The following SRCIN1 variants were observed in gnomAD, a reference collection of about 807,000 sequenced individuals.
SRCIN1 encodes the protein P130Cas-associated protein.
Under a neutral mutation model 116.2 loss-of-function variants are expected in SRCIN1, and 50 were observed. That is an observed-to-expected ratio of 0.43 (90% CI 0.34 to 0.54). The LOEUF is 0.54. Among genes scored for constraint, SRCIN1 ranks in the 20% least tolerant of loss-of-function variants. The pLI is 0.02. For synonymous variants in SRCIN1, 736 were observed against 750.0 expected (o/e 0.98, Z 0.30); for missense variants, 1,446 against 1,672.0 (o/e 0.86, Z 2.36).
Position 38,562,134 on chromosome 17 carries a change from G to A in SRCIN1, c.1029C>T (p.Ser343=), listed in dbSNP as rs894721895. ...AGGRPPSYAG[S]PVHHAAERLG... ...GCCTCTCGGCCGCGTGGTGCACCGG[G>A]CTGCCGGCGTACGAAGGCGGGCGCC... The change falls in exon 7 of 19, where the codon AGC becomes AGT. Residue 343 remains serine, a synonymous_variant. Transcript: ENST00000617146. The surrounding 1 kb of genome is among the most constrained non-coding windows in gnomAD (Gnocchi z 4.2). 44 of 1,373,936 alleles carry A rather than the reference G, an allele frequency of 3.2e-5. No homozygotes were observed. The highest frequency in any genetic ancestry group is 3.9e-5 in the Non-Finnish European group (42 of 1,072,078). The allele number at this position is 1,373,936 out of a possible 1,614,324, so 85.1% of individuals were successfully genotyped here. A position where few individuals can be genotyped will look rare whatever the true frequency, so the allele number is the denominator to read the frequency against.
In SRCIN1 at chr17:38,588,606, G is replaced by A. The variant is rs1045782065; in HGVS notation, c.23-9815C>T. Among the ~76,000 whole-genome samples the A allele has an allele frequency of 2.0e-5, 3 of 152,288 alleles. No individual in the cohort carries two copies. The South Asian group carries it at 6.2e-4, about 32-fold the overall frequency. On this transcript the variant is annotated intron_variant, in intron 1 of 18. Transcript: ENST00000617146. Reference sequence around the variant, plus strand: ...GCTGCCAGGGCGTCTTCTCCCCAGGGGGCACTCCAGCCTGAGTGCTGCGCC... The same window carrying A: ...GCTGCCAGGGCGTCTTCTCCCCAGGAGGCACTCCAGCCTGAGTGCTGCGCC...
intron 2 of SRCIN1, among the ~76,000 whole-genome samples, chr17:38,575,146 C>T (rs1269180447): frequency 1.3e-5 from 2 of 152,238 alleles, no homozygotes; most frequent in Non-Finnish European, 2.9e-5. Context: ...ATCTCTCTAA[C>T]TAGAGCCCTG....
chr17:38,574,618 T>A lies in SRCIN1; in HGVS notation c.324+3872A>T, dbSNP rs927185207. On this transcript the variant is annotated intron_variant, in intron 2 of 18. Coordinates refer to ENST00000617146, the MANE Select transcript of SRCIN1 (RefSeq NM_025248.3). ...GGAGAAAGGGATACAAAAACTTTTT[T>A]AAAAATCCTGAGTATCTTCCCTCAA... Among the ~76,000 whole-genome samples, 19 of 152,266 alleles carry A rather than the reference T, an allele frequency of 1.2e-4. No individual in the cohort carries two copies. The Middle Eastern group carries it at 0.014, about 109-fold the overall frequency.
intron 1 of SRCIN1, among the ~76,000 whole-genome samples, chr17:38,579,200 G>A (rs1753958202): frequency 6.6e-6 from 1 of 152,214 alleles, no homozygotes; most frequent in Non-Finnish European, 1.5e-5. Context: ...AAGGAGGGGT[G>A]CTTTTTAGAT....
At position 38,540,959 on chromosome 17, in the gene SRCIN1, G is replaced by C. The variant is rs569791151; in HGVS notation, c.3417+2864C>G. 1.6e-4 allele frequency among the ~76,000 whole-genome samples: 25 copies of C among 152,270 alleles called. No homozygotes were observed. The East Asian group carries it at 4.8e-3, about 29-fold the overall frequency. Reference sequence around the variant, plus strand: ...TACTGTTGAAAATTTCCACAGGGAGGCTGGTGGCGGTGGCTCACACCTGTA... The same window carrying C: ...TACTGTTGAAAATTTCCACAGGGAGCCTGGTGGCGGTGGCTCACACCTGTA... On this transcript the variant is annotated intron_variant, in intron 18 of 18. Coordinates refer to ENST00000617146, the MANE Select transcript of SRCIN1 (RefSeq NM_025248.3).
At position 38,558,115 on chromosome 17, in the gene SRCIN1, C is replaced by G; in HGVS notation, c.2201+112G>C. On this transcript the variant is annotated intron_variant, in intron 11 of 18. Transcript: ENST00000617146. The surrounding 1 kb of genome is among the most constrained non-coding windows in gnomAD (Gnocchi z 4.6). The stretch of plus-strand genomic sequence containing the variant: ...GAATGAAATCAGGCTTCAGAACAGA[C>G]CAACGCCACCTGTGACTCAGAGGGA... 2 of 1,276,978 alleles carry G rather than the reference C, an allele frequency of 1.6e-6. No homozygotes were observed. The highest frequency in any genetic ancestry group is 2.7e-5 in the South Asian group (2 of 73,490). The allele number at this position is 1,276,978 out of a possible 1,614,324, so 79.1% of individuals were successfully genotyped here.
chr17:38,605,566 C>A lies in SRCIN1; in HGVS notation c.22+118G>T, dbSNP rs559404145. On this transcript the variant is annotated intron_variant, in intron 1 of 18. Transcript: ENST00000617146. Reference sequence around the variant, plus strand: ...CATCCCTCGCCCCGCCGGCCACCGCCTCCCCGGCCCGGCCGCCGCCCCCGC... The same window carrying A: ...CATCCCTCGCCCCGCCGGCCACCGCATCCCCGGCCCGGCCGCCGCCCCCGC... 1,062 of 742,090 alleles carry A rather than the reference C, an allele frequency of 1.4e-3. 17 individuals are homozygous for A. In the Middle Eastern group the frequency reaches 0.049, roughly 34 times the overall value. The allele number at this position is 742,090 out of a possible 1,614,324, so 46.0% of individuals were successfully genotyped here. A position where few individuals can be genotyped will look rare whatever the true frequency, so the allele number is the denominator to read the frequency against.
Position 38,552,339 on chromosome 17 carries a change from G to T in SRCIN1, c.2480+108C>A. On this transcript the variant is annotated intron_variant, in intron 13 of 18. Coordinates refer to ENST00000617146, the MANE Select transcript of SRCIN1 (RefSeq NM_025248.3). The surrounding 1 kb of genome is among the most constrained non-coding windows in gnomAD (Gnocchi z 5.3). Reference sequence around the variant, plus strand: ...GCAGAGCTGAGGTGCCAGTCCAGTCGGCACGCCAGTGACCTTTGGGGGAGT... The same window carrying T: ...GCAGAGCTGAGGTGCCAGTCCAGTCTGCACGCCAGTGACCTTTGGGGGAGT... 5.5e-6 allele frequency: 8 copies of T among 1,463,980 alleles called. No individual in the cohort carries two copies. The highest frequency in any genetic ancestry group is 7.3e-6 in the Non-Finnish European group (8 of 1,102,534). The allele number at this position is 1,463,980 out of a possible 1,614,324, so 90.7% of individuals were successfully genotyped here. A position where few individuals can be genotyped will look rare whatever the true frequency, so the allele number is the denominator to read the frequency against.
intron 1 of SRCIN1, among the ~76,000 whole-genome samples, chr17:38,598,532 G>C (rs920964959): frequency 1.3e-5 from 2 of 152,136 alleles, no homozygotes; most frequent in Non-Finnish European, 2.9e-5. Flanking sequence ...CTGAGTCTGG[G>C]GGCCCCTCTA....
chr17:38,536,100 A>G (rs1230276961), intron 18 of SRCIN1, among the ~76,000 whole-genome samples: 1 of 152,088 alleles, frequency 6.6e-6, no homozygotes, highest in Non-Finnish European at 1.5e-5. Flanking sequence ...ATCCAGCTTC[A>G]CCAGTTTATG....
At chr17:38,581,520 A>G (rs1435070557) in intron 1 of SRCIN1, among the ~76,000 whole-genome samples, 1 of 151,042 alleles carries the variant, frequency 6.6e-6, no homozygotes, top group Non-Finnish European at 1.5e-5. Context: ...AAAAGCCCCA[A>G]TTAGAAGGTC....
rs976230190 is a variant in SRCIN1 at position 38,563,614 on chromosome 17, C to A, written c.542-93G>T. 6.7e-7 allele frequency: 1 copy of A among 1,493,292 alleles called. No individual in the cohort carries two copies. Among genetic ancestry groups the A allele is most frequent in the South Asian group, 1.2e-5 (1 of 83,142 alleles). 92.5% of individuals were successfully genotyped at this position (1,493,292 alleles called of 1,614,324 possible). A position where few individuals can be genotyped will look rare whatever the true frequency, so the allele number is the denominator to read the frequency against. On this transcript the variant is annotated intron_variant, in intron 4 of 18. Transcript: ENST00000617146. The surrounding 1 kb of genome is among the most constrained non-coding windows in gnomAD (Gnocchi z 5.8). ...GGAGCTTTTCGGAGCTGCGCCAGCCCCGCAGCGGCAGGGTCTGAGGCTAGA... is the reference window on the plus strand; with the variant it reads ...GGAGCTTTTCGGAGCTGCGCCAGCCACGCAGCGGCAGGGTCTGAGGCTAGA...
chr17:38,563,370 G>C lies in SRCIN1; in HGVS notation c.693C>G (p.Leu231=), dbSNP rs367653104. The change falls in exon 5 of 19, where the codon CTC becomes CTG. Residue 231 remains leucine (L), a synonymous_variant. Coordinates refer to ENST00000617146, the MANE Select transcript of SRCIN1 (RefSeq NM_025248.3). The surrounding 1 kb of genome is among the most constrained non-coding windows in gnomAD (Gnocchi z 5.8). ...GMLKSPNTAI[L]IKDEARNVFY... ...AGACGTTGCGAGCCTCGTCTTTGAT[G>C]AGGATGGCGGTATTGGGCGACTTAA... 467 of 1,581,374 alleles carry C rather than the reference G, an allele frequency of 3.0e-4. No homozygotes were observed. Among genetic ancestry groups the C allele is most frequent in the Non-Finnish European group, 3.7e-4 (431 of 1,163,106 alleles).
At chr17:38,573,480 G>T (rs1036805782) in intron 2 of SRCIN1, among the ~76,000 whole-genome samples, 1 of 152,194 alleles carries the variant, frequency 6.6e-6, no homozygotes, top group Admixed American at 6.5e-5. Flanking sequence ...ACACTTTCCT[G>T]GTTAATTACA....
chr17:38,541,387 T>C, intron 18 of SRCIN1: 1 of 151,834 alleles, frequency 6.6e-6, no homozygotes, highest in Non-Finnish European at 1.5e-5. Context: ...TTGGGAAGGC[T>C]GGGGGTGGGC....
At chr17:38,578,407 G>C (rs960641126) in intron 2 of SRCIN1, 83 bp downstream of exon 2, 1 of 1,447,190 alleles carries the variant, frequency 6.9e-7, no homozygotes, top group Non-Finnish European at 9.2e-7. Context: ...AATGAGCCTG[G>C]GGACACGGAG....
Position 38,561,779 on chromosome 17 carries a change from A to G in SRCIN1, c.1384T>C (p.Tyr462His), listed in dbSNP as rs1399451872. ...AGGCGGAAGCCGTAGCCGTCGCCGT[A>G]CAGCGGGCCGCCGCCGCCCGCCGCC... ...YKAAGGGGPL[Y>H]GDGYGFRLPP... The change falls in exon 7 of 19, where the codon TAC becomes CAC. Residue 462 changes from tyrosine (Y) to histidine (H), a missense_variant. Physicochemically the swap from Tyr to His is moderately conservative, Grantham distance 83. Around this residue, in one of 5 missense-constraint regions of SRCIN1, gnomAD observed 398 missense variants for 385.6 expected, o/e 1.03. Transcript: ENST00000617146. The G allele has an allele frequency of 2.0e-6, 3 of 1,489,540 alleles. No individual in the cohort carries two copies. Among genetic ancestry groups the G allele is most frequent in the Non-Finnish European group, 1.8e-6 (2 of 1,127,458 alleles). The allele number at this position is 1,489,540 out of a possible 1,614,324, so 92.3% of individuals were successfully genotyped here.
chr17:38,562,079 T>G lies in SRCIN1; in HGVS notation c.1084A>C (p.Ser362Arg). 2.7e-6 allele frequency: 4 copies of G among 1,458,780 alleles called. No homozygotes were observed. The highest frequency in any genetic ancestry group is 3.6e-6 in the Non-Finnish European group (4 of 1,112,348). 90.4% of individuals were successfully genotyped at this position (1,458,780 alleles called of 1,614,324 possible). Residue 362 changes from serine to arginine, a missense_variant, in exon 7 of 19, where the codon AGC becomes CGC. Physicochemically the swap from Ser to Arg is moderately radical, Grantham distance 110 (BLOSUM62 -1). This residue lies in a region of SRCIN1 where 239 missense variants were observed against 317.7 expected (regional missense o/e 0.75). Coordinates refer to ENST00000617146, the MANE Select transcript of SRCIN1 (RefSeq NM_025248.3). The surrounding 1 kb of genome is among the most constrained non-coding windows in gnomAD (Gnocchi z 4.2). ...TCCAGGATGGCGCTGGGGCTGGGGCTGACGCCCTGGGCGGCCGGGGCGCCT... is the reference window on the plus strand; with the variant it reads ...TCCAGGATGGCGCTGGGGCTGGGGCGGACGCCCTGGGCGGCCGGGGCGCCT... ...LGGAPAAQGV[S>R]PSPSAILERR... is the part of the protein sequence containing the mutation.
Position 38,558,367 on chromosome 17 carries a change from C to G in SRCIN1, c.2061G>C (p.Lys687Asn), listed in dbSNP as rs1269066096. ...GCATGCTCAGCTCTGCCTCCGTGCG[C>G]TTCAGCAGCGCGCGCACCGACTCCT... ...QNQESVRALL[K>N]RTEAELSMRV... is the part of the protein sequence containing the mutation. The change falls in exon 11 of 19, where the codon AAG (lysine) becomes AAC (asparagine). Residue 687 changes from lysine to asparagine, a missense_variant. By Grantham distance (94) the Lys-to-Asn change is moderately conservative. This residue lies in a region of SRCIN1 where 398 missense variants were observed against 385.6 expected (regional missense o/e 1.03). Transcript: ENST00000617146. The surrounding 1 kb of genome is among the most constrained non-coding windows in gnomAD (Gnocchi z 4.6). 3 of 1,606,610 alleles carry G rather than the reference C, an allele frequency of 1.9e-6. No homozygotes were observed. The South Asian group carries it at 3.3e-5, about 18-fold the overall frequency.
Sources: gnomAD v4.1 joint callset for allele counts (sites outside exome capture counted in the v4.1 genomes callset) on GRCh38, gnomAD v4.1.1 for gene constraint, gnomAD v4.1.1 regional missense constraint, Gnocchi (gnomAD v3.1) non-coding constraint, MANE v1.5 for transcripts, NCBI Gene and HGNC (gene_info 2026-07-23, HGNC 2026-07-21) for gene names.